The following STRBP variants were observed in gnomAD, a reference collection of about 807,000 sequenced individuals.
STRBP encodes spermatid perinuclear RNA-binding protein.
STRBP carries 13 observed loss-of-function variants against 80.1 expected under a neutral mutation model. The observed-to-expected ratio is 0.16, with a 90% CI of 0.11 to 0.26. The LOEUF (loss-of-function observed/expected upper bound fraction) is 0.26, where lower values mean the gene tolerates loss of function less well. Among genes scored for constraint, STRBP ranks in the 10% least tolerant of loss-of-function variants. STRBP has a pLI of 1.00. For missense variants in STRBP, 485 were observed against 815.2 expected, an observed-to-expected ratio of 0.59 and a Z score of 4.93; for synonymous variants, 284 against 291.2, an observed-to-expected ratio of 0.98 and a Z score of 0.25.
chr9:123,152,115 G>T (rs1183202330), intron 11 of STRBP, among the ~76,000 whole-genome samples: 1 of 152,086 alleles, frequency 6.6e-6, no homozygotes, highest in Non-Finnish European at 1.5e-5. Flanking sequence ...TAAGAAGATG[G>T]AAGTCCTATG....
At position 123,136,775 on chromosome 9, in the gene STRBP, T is replaced by C. The variant is rs1257025056; in HGVS notation, c.1498-260A>G. On this transcript the variant is annotated intron_variant, in intron 14 of 18. Transcript: ENST00000348403. The surrounding 1 kb of genome is among the most constrained non-coding windows in gnomAD (Gnocchi z 4.2). The stretch of plus-strand genomic sequence containing the variant: ...ACCAATCAATGCAACCTCACCACTG[T>C]GGGCCACTCCAGGCTCTGCTCTGTA... Among the ~76,000 whole-genome samples the C allele has an allele frequency of 6.6e-6, 1 of 152,162 alleles. No homozygotes were observed. Among genetic ancestry groups the C allele is most frequent in the African/African-American group, 2.4e-5 (1 of 41,448 alleles).
chr9:123,166,545 G>A (rs976504673), intron 6 of STRBP, among the ~76,000 whole-genome samples: 11 of 152,330 alleles, frequency 7.2e-5, no homozygotes, highest in Admixed American at 5.9e-4. Context: ...CCTGAGCTCA[G>A]GAGTTCGAGG....
intron 2 of STRBP, among the ~76,000 whole-genome samples, chr9:123,223,714 C>T (rs559081926): frequency 2.6e-5 from 4 of 152,102 alleles, no homozygotes; most frequent in East Asian, 1.9e-4. Context: ...TCCAATTCAA[C>T]GTTACAATTT....
At chr9:123,129,848 T>A (rs901687417) in intron 17 of STRBP, among the ~76,000 whole-genome samples, 1 of 152,190 alleles carries the variant, frequency 6.6e-6, no homozygotes, top group African/African-American at 2.4e-5. Flanking sequence ...TACTTTTTAG[T>A]CTATAGTTAA....
At chr9:123,245,484 G>A (rs1387140633) in intron 1 of STRBP, among the ~76,000 whole-genome samples, 4 of 152,146 alleles carry the variant, frequency 2.6e-5, no homozygotes, top group South Asian at 2.1e-4. Context: ...CCGCCTCCCC[G>A]GTTCACACCA....
At chr9:123,204,035 C>A (rs2132516076) in intron 2 of STRBP, among the ~76,000 whole-genome samples, 1 of 152,258 alleles carries the variant, frequency 6.6e-6, no homozygotes, top group South Asian at 2.1e-4. Flanking sequence ...AGCAGCCCCT[C>A]CCAAAGCACA....
At chr9:123,132,727 C>G (rs1028124509) in intron 17 of STRBP, 118 bp downstream of exon 17, 12 of 1,362,222 alleles carry the variant, frequency 8.8e-6, no homozygotes, top group Admixed American at 2.4e-5. Context: ...TTTCTGTGTA[C>G]ATTCATGCCT....
Position 123,124,793 on chromosome 9 carries a change from T to A in STRBP, c.*804A>T. 1.0e-6 allele frequency: 1 copy of A among 985,446 alleles called. No individual in the cohort carries two copies. Among genetic ancestry groups the A allele is most frequent in the Non-Finnish European group, 1.2e-6 (1 of 829,928 alleles). The allele number at this position is 985,446 out of a possible 1,614,324, so 61.0% of individuals were successfully genotyped here. A position where few individuals can be genotyped will look rare whatever the true frequency, so the allele number is the denominator to read the frequency against. Reference sequence around the variant, plus strand: ...CACATTCTCCTTCCCCATCTCTGGGTAGTGCCATCATTTTAATAAGCAATG... The same window carrying A: ...CACATTCTCCTTCCCCATCTCTGGGAAGTGCCATCATTTTAATAAGCAATG... On this transcript the variant is annotated 3_prime_UTR_variant, in exon 19 of 19. Transcript: ENST00000348403.
At chr9:123,268,112 C>T (rs1312746949) in intron 1 of STRBP, among the ~76,000 whole-genome samples, 1 of 151,634 alleles carries the variant, frequency 6.6e-6, no homozygotes, top group Non-Finnish European at 1.5e-5. Context: ...CCTCCCGGCA[C>T]CGCGTCCCCC....
At chr9:123,262,652 C>T (rs16926316) in intron 1 of STRBP, among the ~76,000 whole-genome samples, 2,365 of 152,274 alleles carry the variant, frequency 0.016, 30 homozygotes, top group South Asian at 0.06. Flanking sequence ...TTTTACACAG[C>T]GCTAGTTATG....
chr9:123,217,008 T>C (rs1564309868), intron 2 of STRBP, among the ~76,000 whole-genome samples: 1 of 152,214 alleles, frequency 6.6e-6, no homozygotes, highest in South Asian at 2.1e-4. Context: ...AAGTAAAAGA[T>C]ACCTGCCTTA....
Position 123,124,186 on chromosome 9 carries a change from T to C in STRBP, c.*1411A>G. On this transcript the variant is annotated 3_prime_UTR_variant, in exon 19 of 19. Transcript: ENST00000348403. Reference sequence around the variant, plus strand: ...AGCCCATTCTCATGGATGGGCCCTGTCAAGTTCCCAAAAGCAGAACTGAAT... The same window carrying C: ...AGCCCATTCTCATGGATGGGCCCTGCCAAGTTCCCAAAAGCAGAACTGAAT... 1.0e-6 allele frequency: 1 copy of C among 985,434 alleles called. No homozygotes were observed. The highest frequency in any genetic ancestry group is 1.2e-6 in the Non-Finnish European group (1 of 829,938). 61.0% of individuals were successfully genotyped at this position (985,434 alleles called of 1,614,324 possible).
At chr9:123,143,410 C>G (rs2036675098) in intron 13 of STRBP, among the ~76,000 whole-genome samples, 1 of 152,208 alleles carries the variant, frequency 6.6e-6, no homozygotes, top group African/African-American at 2.4e-5. Flanking sequence ...CTGATTTCTT[C>G]TTTTCTTTTG....
intron 3 of STRBP, chr9:123,114,999 C>T (rs1473127949): frequency 2.8e-6 from 1 of 361,064 alleles, no homozygotes; most frequent in Non-Finnish European, 5.7e-6. Flanking sequence ...AGCCTTGCCT[C>T]CTGACTCTGG....
intron 11 of STRBP, among the ~76,000 whole-genome samples, chr9:123,148,875 T>C (rs1405021785): frequency 1.3e-5 from 2 of 152,188 alleles, no homozygotes; most frequent in Admixed American, 6.5e-5. Flanking sequence ...ACACAAGACT[T>C]AGAAGCAACA....
At chr9:123,211,107 G>A (rs1169935300) in intron 2 of STRBP, among the ~76,000 whole-genome samples, 4 of 152,148 alleles carry the variant, frequency 2.6e-5, no homozygotes, top group African/African-American at 9.7e-5. Context: ...TAGCAAGACT[G>A]TTCACAACAG....
At chr9:123,139,884 G>A (rs557585753) in intron 13 of STRBP, among the ~76,000 whole-genome samples, 197 bp from the exon 14 acceptor site, 1 of 152,172 alleles carries the variant, frequency 6.6e-6, no homozygotes, top group Non-Finnish European at 1.5e-5. Context: ...GGAAAAATGG[G>A]GAAAACCTCC....
intron 2 of STRBP, among the ~76,000 whole-genome samples, chr9:123,233,557 T>C (rs2040457779): frequency 6.6e-6 from 1 of 152,234 alleles, no homozygotes; most frequent in African/African-American, 2.4e-5. Context: ...AGATGTAAGA[T>C]ACAGTTAATG....
intron 6 of STRBP, chr9:123,168,153 G>A (rs977044458): frequency 1.1e-6 from 1 of 891,930 alleles, no homozygotes; most frequent in Non-Finnish European, 1.3e-6. Flanking sequence ...GAAATGGTTG[G>A]TTTTATACTA....
Sources: gnomAD v4.1 joint callset for allele counts (sites outside exome capture counted in the v4.1 genomes callset) on GRCh38, gnomAD v4.1.1 for gene constraint, Gnocchi (gnomAD v3.1) non-coding constraint, MANE v1.5 for transcripts, NCBI Gene and HGNC (gene_info 2026-07-23, HGNC 2026-07-21) for gene names.